Variants in PIEZO2 observed in about 807,000 individuals in gnomAD.
PIEZO2 encodes the protein piezo type mechanosensitive ion channel component 2.
PIEZO2 carries 172 observed loss-of-function variants against 337.3 expected under a neutral mutation model. The ratio of observed to expected loss-of-function variants is 0.51; its 90% CI spans 0.45 to 0.58. The LOEUF (loss-of-function observed/expected upper bound fraction) is 0.58, where lower values mean the gene tolerates loss of function less well. PIEZO2 is among the 20% of genes least tolerant of loss of function. PIEZO2 has a pLI of 0.00. For synonymous variants in PIEZO2, 1,251 were observed against 1,228.5 expected (o/e 1.02, Z -0.38); for missense variants, 3,028 against 3,391.3 (o/e 0.89, Z 2.66).
chr18:10,734,258 A>AAATGCTTC (rs2036905495), intron 35 of PIEZO2, among the ~76,000 whole-genome samples: 1 of 152,232 alleles, frequency 6.6e-6, no homozygotes, highest in Non-Finnish European at 1.5e-5. Context: ...GAAATGGTAA[A>AAATGCTTC]TACTACACTA....
At chr18:10,686,588 T>C (rs1464150815) in intron 49 of PIEZO2, among the ~76,000 whole-genome samples, 1 of 152,198 alleles carries the variant, frequency 6.6e-6, no homozygotes, top group Non-Finnish European at 1.5e-5. Context: ...TCCTAGGCCA[T>C]ATATGGATGA....
In PIEZO2 at chr18:10,778,663, C is replaced by T. The variant is rs138000392; in HGVS notation, c.2534+1662G>A. On this transcript the variant is annotated intron_variant, in intron 18 of 55. Coordinates refer to ENST00000674853, the MANE Select transcript of PIEZO2 (RefSeq NM_001378183.1). The stretch of plus-strand genomic sequence containing the variant: ...TGCTCTTAACATGTTTATATTCACA[C>T]AAAAATAGGAGATTTCACTGGAAAG... 2.6e-5 allele frequency among the ~76,000 whole-genome samples: 4 copies of T among 152,262 alleles called. No individual in the cohort carries two copies. In the East Asian group the frequency reaches 7.7e-4, roughly 29 times the overall value.
rs2039893008 is a variant in PIEZO2 at position 11,116,558 on chromosome 18, T to A, written c.64+31967A>T. Among the ~76,000 whole-genome samples, 1 of 150,696 alleles carries A rather than the reference T, an allele frequency of 6.6e-6. No homozygotes were observed. Among genetic ancestry groups the A allele is most frequent in the African/African-American group, 2.4e-5 (1 of 40,928 alleles). ...GAAACCCCGTCTCTACTAAAAAAAA[T>A]TAAAAAATTAGCCGGGCGTGGTGGC... On this transcript the variant is annotated intron_variant, in intron 1 of 55. Transcript: ENST00000674853. This position sits in a 1 kb window ranked among gnomAD's most constrained non-coding sequence, Gnocchi z 5.0.
chr18:10,961,536 A>G (rs558113075), intron 3 of PIEZO2, among the ~76,000 whole-genome samples: 6 of 152,334 alleles, frequency 3.9e-5, no homozygotes, highest in African/African-American at 1.4e-4. Context: ...GCCAAATACC[A>G]CATGTACCCC....
chr18:10,752,965 T>C, intron 27 of PIEZO2, 86 bp from the exon 28 acceptor site: 1 of 1,442,118 alleles, frequency 6.9e-7, no homozygotes, highest in Non-Finnish European at 9.2e-7. Flanking sequence ...AGGGAAGAAA[T>C]TCATGCTCTC....
intron 40 of PIEZO2, 58 bp from the exon 41 acceptor site, chr18:10,705,804 T>C: frequency 6.9e-7 from 1 of 1,449,532 alleles, no homozygotes; most frequent in Non-Finnish European, 9.1e-7. Flanking sequence ...CTCCTGGGGT[T>C]CTTTCCCATT....
At chr18:10,887,369 G>A (rs911025333) in intron 4 of PIEZO2, among the ~76,000 whole-genome samples, 24 of 151,650 alleles carry the variant, frequency 1.6e-4, no homozygotes, top group African/African-American at 9.7e-5. Flanking sequence ...GCTCCTGGCC[G>A]ACACACATTT....
At chr18:11,062,378 G>A (rs1259409183) in intron 2 of PIEZO2, among the ~76,000 whole-genome samples, 1 of 152,116 alleles carries the variant, frequency 6.6e-6, no homozygotes, top group African/African-American at 2.4e-5. Context: ...AACACCAAAA[G>A]CAATGGCAAC....
At chr18:10,876,069 C>A (rs1259169159) in intron 4 of PIEZO2, among the ~76,000 whole-genome samples, 1 of 152,212 alleles carries the variant, frequency 6.6e-6, no homozygotes, top group Non-Finnish European at 1.5e-5. Flanking sequence ...GAAAAGTATG[C>A]ACAATAAACA....
intron 1 of PIEZO2, among the ~76,000 whole-genome samples, chr18:11,084,277 A>T (rs1470096102): frequency 6.6e-6 from 1 of 151,658 alleles, no homozygotes; most frequent in Non-Finnish European, 1.5e-5. Flanking sequence ...TGTTTTCTTT[A>T]TCATCCTTTG....
chr18:11,061,878 T>A (rs2037973872), intron 2 of PIEZO2, among the ~76,000 whole-genome samples: 1 of 152,146 alleles, frequency 6.6e-6, no homozygotes, highest in Non-Finnish European at 1.5e-5. Context: ...AAGCTACCAA[T>A]GACTTTCTTC....
chr18:10,762,378 C>G (rs1381956338), intron 23 of PIEZO2, 122 bp downstream of exon 23: 2 of 1,267,420 alleles, frequency 1.6e-6, no homozygotes, highest in Non-Finnish European at 2.1e-6. Context: ...AAAGGTGATG[C>G]CAAATCCCAC....
At chr18:10,714,735 AG>A (rs1220052745) in intron 39 of PIEZO2, 28 bp downstream of exon 39, 2 of 1,533,512 alleles carry the variant, frequency 1.3e-6, no homozygotes, top group East Asian at 2.4e-5. Flanking sequence ...CTTTGTCAAA[AG>A]TAAACCCATT....
At chr18:10,995,082 A>AAAAAAAAAAAAAAAAAAG (rs2035266843) in intron 2 of PIEZO2, among the ~76,000 whole-genome samples, 1 of 128,124 alleles carries the variant, frequency 7.8e-6, no homozygotes, top group African/African-American at 3.1e-5. Context: ...CGTCTCAAAA[A>AAAAAAAAAAAAAAAAAAG]AAAAAAAAAA....
chr18:10,839,436 C>G (rs924518672), intron 7 of PIEZO2, among the ~76,000 whole-genome samples: 4 of 152,222 alleles, frequency 2.6e-5, no homozygotes, highest in African/African-American at 9.6e-5. Flanking sequence ...AAGAGCACTG[C>G]ACTCTAGAGG....
At position 11,125,774 on chromosome 18, in the gene PIEZO2, T is replaced by C. The variant is rs1250504306; in HGVS notation, c.64+22751A>G. Among the ~76,000 whole-genome samples, 2 of 152,206 alleles carry C rather than the reference T, an allele frequency of 1.3e-5. No individual in the cohort carries two copies. Among genetic ancestry groups the C allele is most frequent in the African/African-American group, 2.4e-5 (1 of 41,458 alleles). On this transcript the variant is annotated intron_variant, in intron 1 of 55. Coordinates refer to ENST00000674853, the MANE Select transcript of PIEZO2 (RefSeq NM_001378183.1). This position sits in a 1 kb window ranked among gnomAD's most constrained non-coding sequence, Gnocchi z 4.4. ...CCTCTCTCTGAGCAGTGCCAATTTTTCCAAAGTGTTTAGAGGTCCCTGCCA... is the reference window on the plus strand; with the variant it reads ...CCTCTCTCTGAGCAGTGCCAATTTTCCCAAAGTGTTTAGAGGTCCCTGCCA...
rs2035347941 is a variant in PIEZO2, at chr18:10,997,009, A to G, written c.161-17349T>C. On this transcript the variant is annotated intron_variant, in intron 2 of 55. Transcript: ENST00000674853. Reference sequence around the variant, plus strand: ...ATCATCTAATTTGTTATAAATCAATAAGAGTCCCAGTGTTGCCCCAAATCA... The same window carrying G: ...ATCATCTAATTTGTTATAAATCAATGAGAGTCCCAGTGTTGCCCCAAATCA... 2.6e-5 allele frequency among the ~76,000 whole-genome samples: 4 copies of G among 152,292 alleles called. No homozygotes were observed. In the East Asian group the frequency reaches 7.7e-4, roughly 29 times the overall value.
intron 11 of PIEZO2, among the ~76,000 whole-genome samples, chr18:10,799,751 T>C (rs8096252): frequency 7.5e-4 from 114 of 152,298 alleles, no homozygotes; most frequent in African/African-American, 2.6e-3. Context: ...GGCAGGTGGA[T>C]TGCCTGAGCT....
rs560703539 is a variant in PIEZO2 at position 10,681,281 on chromosome 18, T to C, written c.7779+380A>G. Among the ~76,000 whole-genome samples, 120 of 152,342 alleles carry C rather than the reference T, an allele frequency of 7.9e-4. 1 individual carries two copies. The highest frequency in any genetic ancestry group is 7.3e-5 in the Non-Finnish European group (5 of 68,028). ...TGTTTGCTGAACCGCAAATTGCCTCTAGTTCTGCTAATGCAGAGAATGCAC... is the reference window on the plus strand; with the variant it reads ...TGTTTGCTGAACCGCAAATTGCCTCCAGTTCTGCTAATGCAGAGAATGCAC... On this transcript the variant is annotated intron_variant, in intron 51 of 55. Coordinates refer to ENST00000674853, the MANE Select transcript of PIEZO2 (RefSeq NM_001378183.1).
Sources: allele counts gnomAD v4.1 joint callset (sites outside exome capture counted in the v4.1 genomes callset), GRCh38; gene constraint gnomAD v4.1.1; non-coding constraint Gnocchi (gnomAD v3.1); transcripts MANE v1.5; gene names NCBI Gene and HGNC (gene_info 2026-07-23, HGNC 2026-07-21).